Variants in VAX2 observed in about 807,000 individuals in gnomAD.
VAX2 encodes ventral anterior homeobox 2.
In VAX2, 8 loss-of-function variants were observed where a neutral mutation model predicts 12.5. The observed-to-expected ratio is 0.64, with a 90% CI of 0.37 to 1.15. VAX2 has a LOEUF of 1.15. Ranked by LOEUF, VAX2 falls within the 50% of genes most tolerant of loss-of-function variation. The probability of loss-of-function intolerance (pLI) is 0.01; values close to 1 mark genes in which losing one functional copy is unlikely to be tolerated. For synonymous variants in VAX2, 183 were observed against 187.6 expected (o/e 0.98, Z 0.20); for missense variants, 476 against 412.9 (o/e 1.15, Z -1.32).
intron 1 of VAX2, among the ~76,000 whole-genome samples, chr2:70,919,830 G>A (rs1472550902): frequency 2.0e-5 from 3 of 152,230 alleles, no homozygotes; most frequent in Non-Finnish European, 4.4e-5. Context: ...CAGCCTGGGC[G>A]TGAGAGTGAG....
chr2:70,924,883 A>G (rs1679534000), intron 2 of VAX2, among the ~76,000 whole-genome samples: 1 of 152,062 alleles, frequency 6.6e-6, no homozygotes, highest in African/African-American at 2.4e-5. Flanking sequence ...GTTGTGAGGG[A>G]GCTCAAATGG....
chr2:70,908,961 C>T (rs184980827), intron 1 of VAX2, among the ~76,000 whole-genome samples: 2 of 152,256 alleles, frequency 1.3e-5, no homozygotes, highest in East Asian at 3.9e-4. Flanking sequence ...TATTCATTAG[C>T]CAGTTGTATT....
intron 1 of VAX2, among the ~76,000 whole-genome samples, chr2:70,903,965 C>T (rs1345039659): frequency 6.6e-6 from 1 of 152,230 alleles, no homozygotes; most frequent in Non-Finnish European, 1.5e-5. Context: ...TCTGCGAATA[C>T]AGGGTGGAGA....
intron 1 of VAX2, among the ~76,000 whole-genome samples, chr2:70,919,540 T>C (rs1450893249): frequency 6.6e-6 from 1 of 150,500 alleles, no homozygotes; most frequent in Non-Finnish European, 1.5e-5. Flanking sequence ...AAGAAAAAAA[T>C]AATTAAAAAA....
intron 2 of VAX2, among the ~76,000 whole-genome samples, chr2:70,924,817 C>T (rs887083774): frequency 2.4e-4 from 37 of 152,204 alleles, no homozygotes; most frequent in African/African-American, 8.2e-4. Context: ...CATCTGCCCT[C>T]GTGCAGCTAA....
intron 1 of VAX2, among the ~76,000 whole-genome samples, 195 bp from the exon 2 acceptor site, chr2:70,920,903 T>A (rs968925780): frequency 1.3e-5 from 2 of 152,090 alleles, no homozygotes; most frequent in African/African-American, 4.8e-5. Flanking sequence ...TAGCCACCCA[T>A]TAGATATAAT....
intron 1 of VAX2, among the ~76,000 whole-genome samples, chr2:70,919,692 A>G (rs147722794): frequency 0.018 from 2,691 of 152,188 alleles, 34 homozygotes; most frequent in Non-Finnish European, 0.029. Context: ...TCTCTACAAA[A>G]AATACAAAAA....
chr2:70,902,965 G>A (rs1028344453), intron 1 of VAX2, among the ~76,000 whole-genome samples: 1 of 152,324 alleles, frequency 6.6e-6, no homozygotes, highest in East Asian at 1.9e-4. Context: ...GAAATGAAAG[G>A]CAAATGGGGC....
At chr2:70,926,970 T>C (rs1679588041) in intron 2 of VAX2, among the ~76,000 whole-genome samples, 1 of 152,182 alleles carries the variant, frequency 6.6e-6, no homozygotes. Context: ...CCTCTGATTC[T>C]CCACGATAGT....
rs1679226693 is a variant in VAX2 at position 70,913,116 on chromosome 2, AC to A, written c.248-7981del. 1.3e-5 allele frequency among the ~76,000 whole-genome samples: 2 copies of A among 152,212 alleles called. 1 individual carries two copies. Among genetic ancestry groups the A allele is most frequent in the South Asian group, 4.1e-4 (2 of 4,832 alleles). ...GACAACCGCAAATTTTAGAGGCTTAACAAAACACAAATGCATTTATCACTCA... is the reference window on the plus strand; with the variant it reads ...GACAACCGCAAATTTTAGAGGCTTAAAAAACACAAATGCATTTATCACTCA... On this transcript the variant is annotated intron_variant, in intron 1 of 2. Transcript: ENST00000234392.
Position 70,932,260 on chromosome 2 carries a change from T to A in VAX2, c.436-507T>A, listed in dbSNP as rs551950040. The stretch of plus-strand genomic sequence containing the variant: ...TCTGTTTGGAGGACAGAGCTGCACA[T>A]GTGGGGTTTGGGGTGTTTTTTGAGA... On this transcript the variant is annotated intron_variant, in intron 2 of 2. Transcript: ENST00000234392. Among the ~76,000 whole-genome samples the A allele has an allele frequency of 2.0e-5, 3 of 152,186 alleles. No individual in the cohort carries two copies. In the South Asian group the frequency reaches 6.2e-4, roughly 32 times the overall value.
chr2:70,910,542 T>C (rs2104764100), intron 1 of VAX2, among the ~76,000 whole-genome samples: 1 of 152,246 alleles, frequency 6.6e-6, no homozygotes, highest in East Asian at 1.9e-4. Context: ...TAGAGTGAAA[T>C]CTTTTCAAGT....
intron 2 of VAX2, among the ~76,000 whole-genome samples, chr2:70,921,680 T>C (rs1256106836): frequency 2.0e-5 from 3 of 151,884 alleles, no homozygotes; most frequent in African/African-American, 4.8e-5. Flanking sequence ...TGAAACATTA[T>C]AAAATTGGGC....
In VAX2 at chr2:70,900,885, C is replaced by A; in HGVS notation, c.247+17C>A. 2 of 1,377,952 alleles carry A rather than the reference C, an allele frequency of 1.5e-6. No homozygotes were observed. Among genetic ancestry groups the A allele is most frequent in the Non-Finnish European group, 9.4e-7 (1 of 1,061,434 alleles). The allele number at this position is 1,377,952 out of a possible 1,614,324, so 85.4% of individuals were successfully genotyped here. A position where few individuals can be genotyped will look rare whatever the true frequency, so the allele number is the denominator to read the frequency against. ...TGGTGCGAGGTAAGGGGACAGCCCG[C>A]GGCCCTGCTCCACTGGACCCTCACC... On this transcript the variant is annotated intron_variant, in intron 1 of 2. Coordinates refer to ENST00000234392, the MANE Select transcript of VAX2 (RefSeq NM_012476.3).
intron 2 of VAX2, among the ~76,000 whole-genome samples, chr2:70,922,189 TCAGCCAGAGCTCTAGTAGTTTG>T (rs2104778086): frequency 6.6e-6 from 1 of 152,342 alleles, no homozygotes; most frequent in East Asian, 1.9e-4. Flanking sequence ...GACCCTTCTT[TCAGCCAGAGCTCTAGTAGTTTG>T]CTCTCATATA....
rs1042899520 is a variant in VAX2 at position 70,927,739 on chromosome 2, A to G, written c.436-5028A>G. On this transcript the variant is annotated intron_variant, in intron 2 of 2. Coordinates refer to ENST00000234392, the MANE Select transcript of VAX2 (RefSeq NM_012476.3). ...CTCCTGGTGCGCGGCCATGGATCACAGTGTGGCCCAGAAAGAAATCAGGGA... is the reference window on the plus strand; with the variant it reads ...CTCCTGGTGCGCGGCCATGGATCACGGTGTGGCCCAGAAAGAAATCAGGGA... 1.2e-4 allele frequency among the ~76,000 whole-genome samples: 19 copies of G among 152,020 alleles called. 1 individual carries two copies. Among genetic ancestry groups the G allele is most frequent in the Admixed American group, 1.2e-3 (18 of 15,236 alleles).
intron 2 of VAX2, 130 bp downstream of exon 2, chr2:70,921,415 CTT>C: frequency 9.4e-7 from 1 of 1,068,066 alleles, no homozygotes; most frequent in Non-Finnish European, 1.3e-6. Flanking sequence ...GAGGGAAAGA[CTT>C]TAAGCTACAG....
intron 1 of VAX2, among the ~76,000 whole-genome samples, chr2:70,914,331 C>T (rs1419166556): frequency 1.3e-5 from 2 of 152,148 alleles, no homozygotes; most frequent in Non-Finnish European, 2.9e-5. Flanking sequence ...CACCTGTAAT[C>T]CCAGCTACTT....
chr2:70,901,477 C>T (rs1399302454), intron 1 of VAX2, among the ~76,000 whole-genome samples: 5 of 152,252 alleles, frequency 3.3e-5, no homozygotes, highest in African/African-American at 1.2e-4. Flanking sequence ...TGGGCCCAGC[C>T]GGCTCTCGGC....
Sources: allele counts gnomAD v4.1 joint callset (sites outside exome capture counted in the v4.1 genomes callset), GRCh38; gene constraint gnomAD v4.1.1; transcripts MANE v1.5; gene names NCBI Gene and HGNC (gene_info 2026-07-23, HGNC 2026-07-21).